The following TRAK1 variants were observed in gnomAD, a reference collection of about 807,000 sequenced individuals.
The protein encoded by TRAK1 is trafficking kinesin-binding protein 1.
TRAK1 carries 33 observed loss-of-function variants against 92.1 expected under a neutral mutation model. That is an observed-to-expected ratio of 0.36 (90% confidence interval 0.27 to 0.48). The LOEUF (loss-of-function observed/expected upper bound fraction) is 0.48, where lower values mean the gene tolerates loss of function less well. Ranked by LOEUF, TRAK1 falls within the 20% of genes least tolerant of loss-of-function variation. The pLI is 0.99. For missense variants in TRAK1, 1,123 were observed against 1,257.9 expected, an observed-to-expected ratio of 0.89 and a Z score of 1.62; for synonymous variants, 521 against 517.3, an observed-to-expected ratio of 1.01 and a Z score of -0.10.
At chr3:42,118,933 A>G (rs1709510836) in intron 1 of TRAK1, among the ~76,000 whole-genome samples, 1 of 152,142 alleles carries the variant, frequency 6.6e-6, no homozygotes, top group African/African-American at 2.4e-5. Flanking sequence ...GGTGGGTTTG[A>G]AAAGACCTTG....
intron 14 of TRAK1, chr3:42,217,373 T>G (rs1709838505): frequency 1.0e-6 from 1 of 985,308 alleles, no homozygotes; most frequent in Admixed American, 6.1e-5. Context: ...TTGATCTTCC[T>G]TGGTCTTCTA....
Position 42,211,002 on chromosome 3 carries a change from A to T in TRAK1, c.1963+1017A>T. 4.1e-6 allele frequency: 4 copies of T among 985,320 alleles called. No individual in the cohort carries two copies. The East Asian group carries it at 4.5e-4, about 112-fold the overall frequency. The allele number at this position is 985,320 out of a possible 1,614,324, so 61.0% of individuals were successfully genotyped here. A position where few individuals can be genotyped will look rare whatever the true frequency, so the allele number is the denominator to read the frequency against. ...CAACAGCATGCTCTGTCTAGACTGG[A>T]CCTCCCAGCCCCTTGTGTTGGGAAG... On this transcript the variant is annotated intron_variant, in intron 14 of 15. Coordinates refer to ENST00000327628, the MANE Select transcript of TRAK1 (RefSeq NM_001042646.3).
At chr3:42,029,624 A>C (rs1048509156) in intron 1 of TRAK1, among the ~76,000 whole-genome samples, 13 of 147,752 alleles carry the variant, frequency 8.8e-5, no homozygotes, top group Middle Eastern at 3.5e-3. Context: ...ATCTTAGCTC[A>C]CTGCAACCTC....
chr3:42,176,765 G>A (rs745500236), intron 2 of TRAK1, 49 bp from the exon 3 acceptor site: 13 of 1,549,322 alleles, frequency 8.4e-6, no homozygotes, highest in East Asian at 2.2e-5. Flanking sequence ...TCATTTGTTT[G>A]GCAGGTTTGT....
intron 1 of TRAK1, among the ~76,000 whole-genome samples, chr3:42,032,242 A>G (rs1265421043): frequency 6.6e-6 from 1 of 152,240 alleles, no homozygotes; most frequent in African/African-American, 2.4e-5. Context: ...GGAGTATGGT[A>G]AGAATAATCA....
chr3:42,214,617 A>G (rs1709450489), intron 14 of TRAK1, among the ~76,000 whole-genome samples: 1 of 152,248 alleles, frequency 6.6e-6, no homozygotes, highest in African/African-American at 2.4e-5. Context: ...CAGATGAAAC[A>G]GGGTAGGCAA....
chr3:42,106,879 C>T (rs2149046906), intron 1 of TRAK1, among the ~76,000 whole-genome samples: 1 of 152,254 alleles, frequency 6.6e-6, no homozygotes, highest in South Asian at 2.1e-4. Context: ...AACAGAATTT[C>T]CTGTTCAGGA....
chr3:42,202,773 C>A lies in TRAK1; in HGVS notation c.1744+21C>A. On this transcript the variant is annotated intron_variant, in intron 13 of 15. Transcript: ENST00000327628. This position sits in a 1 kb window ranked among gnomAD's most constrained non-coding sequence, Gnocchi z 6.1. ...GGAAGGTGATCACGCGGGGCCTCGGCCCCTCTCTGTCCTCCTGGGGGACTC... is the reference window on the plus strand; with the variant it reads ...GGAAGGTGATCACGCGGGGCCTCGGACCCTCTCTGTCCTCCTGGGGGACTC... 1 of 1,612,574 alleles carries A rather than the reference C, an allele frequency of 6.2e-7. No individual in the cohort carries two copies. The highest frequency in any genetic ancestry group is 8.5e-7 in the Non-Finnish European group (1 of 1,178,982).
intron 1 of TRAK1, among the ~76,000 whole-genome samples, chr3:42,021,527 C>T (rs577229652): frequency 6.6e-6 from 1 of 152,158 alleles, no homozygotes; most frequent in East Asian, 1.9e-4. Flanking sequence ...CCCAGCAACT[C>T]CTGTTTATGA....
At chr3:42,200,090 G>A (rs980494743) in intron 11 of TRAK1, among the ~76,000 whole-genome samples, 3 of 152,118 alleles carry the variant, frequency 2.0e-5, no homozygotes, top group Non-Finnish European at 4.4e-5. Context: ...TGTGGACCAG[G>A]TTTCATTGTG....
intron 2 of TRAK1, among the ~76,000 whole-genome samples, chr3:42,150,273 C>T (rs182199560): frequency 4.3e-4 from 66 of 152,172 alleles, no homozygotes; most frequent in Non-Finnish European, 3.2e-4. Flanking sequence ...GGGTGGAGGC[C>T]AAGTTGTGTG....
chr3:42,118,825 G>GACATCT (rs1253175594), intron 1 of TRAK1, among the ~76,000 whole-genome samples: 2 of 152,218 alleles, frequency 1.3e-5, no homozygotes, highest in Non-Finnish European at 2.9e-5. Context: ...TCATAAGAAT[G>GACATCT]GTAGGTATTG....
intron 1 of TRAK1, among the ~76,000 whole-genome samples, chr3:42,044,759 G>C (rs984146100): frequency 4.6e-5 from 7 of 152,176 alleles, no homozygotes; most frequent in African/African-American, 1.7e-4. Context: ...TTATTAAGAA[G>C]ATTTCATGGC....
intron 3 of TRAK1, among the ~76,000 whole-genome samples, chr3:42,180,413 G>T (rs563304945): frequency 2.6e-5 from 4 of 152,042 alleles, no homozygotes; most frequent in Non-Finnish European, 4.4e-5. Context: ...TGGGAGGATT[G>T]CTTGAGGCCA....
intron 13 of TRAK1, chr3:42,203,161 G>T: frequency 7.5e-6 from 9 of 1,194,386 alleles, no homozygotes; most frequent in Non-Finnish European, 9.3e-6. Flanking sequence ...TGCAGTTTTG[G>T]TGTCGGGGAG....
At position 42,164,990 on chromosome 3, in the gene TRAK1, TAAATG is replaced by T. The variant is rs1278273327; in HGVS notation, c.287-11818_287-11814del. Reference sequence around the variant, plus strand: ...TGTTCTTTTTCTTTTTTCTTTTTCTTAAATGAAATGCATCAAGAAGCCTGACTTTG... The same window carrying T: ...TGTTCTTTTTCTTTTTTCTTTTTCTTAAATGCATCAAGAAGCCTGACTTTG... On this transcript the variant is annotated intron_variant, in intron 2 of 15. Transcript: ENST00000327628. Among the ~76,000 whole-genome samples, 19 of 152,336 alleles carry T rather than the reference TAAATG, an allele frequency of 1.2e-4. 1 individual carries two copies. Among genetic ancestry groups the T allele is most frequent in the East Asian group, 5.8e-4 (3 of 5,178 alleles).
chr3:42,208,808 G>C (rs753068280), intron 13 of TRAK1, among the ~76,000 whole-genome samples: 2 of 152,258 alleles, frequency 1.3e-5, no homozygotes, highest in Non-Finnish European at 2.9e-5. Context: ...CACTAGCATG[G>C]TGTCATGTGA....
rs1339578418 is a variant in TRAK1, at chr3:42,219,530, C to CCACCTT, written c.2011_2016dup (p.Phe671_Thr672dup). ...GGGAAGTGCATGTCTCAGACCAACT[C>CCACCTT]CACCTTCACCTTCACCACCTGTCGC... On this transcript the variant is annotated inframe_insertion, in exon 15 of 16. Coordinates refer to ENST00000327628, the MANE Select transcript of TRAK1 (RefSeq NM_001042646.3). The CCACCTT allele has an allele frequency of 1.2e-6, 2 of 1,614,074 alleles. No individual in the cohort carries two copies. The highest frequency in any genetic ancestry group is 2.2e-5 in the South Asian group (2 of 91,074).
intron 1 of TRAK1, among the ~76,000 whole-genome samples, chr3:42,059,017 C>A (rs762974900): frequency 4.0e-5 from 6 of 151,832 alleles, no homozygotes; most frequent in African/African-American, 4.8e-5. Flanking sequence ...TGTATGCATG[C>A]GTGTATATAT....
Sources: allele counts gnomAD v4.1 joint callset (sites outside exome capture counted in the v4.1 genomes callset), GRCh38; gene constraint gnomAD v4.1.1; non-coding constraint Gnocchi (gnomAD v3.1); transcripts MANE v1.5; gene names NCBI Gene and HGNC (gene_info 2026-07-23, HGNC 2026-07-21).